The following SDC2 variants were observed in gnomAD, a reference collection of about 807,000 sequenced individuals.
SDC2 encodes syndecan 2, also known as syndecan-2.
SDC2 carries 13 observed loss-of-function variants against 22.2 expected under a neutral mutation model. That is an observed-to-expected ratio of 0.59 (90% CI 0.38 to 0.93). The LOEUF (loss-of-function observed/expected upper bound fraction) is 0.93, where lower values mean the gene tolerates loss of function less well. Ranked by LOEUF, SDC2 falls within the 40% of genes least tolerant of loss-of-function variation. The pLI is 0.00. For synonymous variants in SDC2, 94 were observed against 92.8 expected (o/e 1.01, Z -0.07); for missense variants, 235 against 246.8 (o/e 0.95, Z 0.32).
chr8:96,522,525 C>G (rs571378570), intron 1 of SDC2, among the ~76,000 whole-genome samples: 2 of 152,226 alleles, frequency 1.3e-5, no homozygotes, highest in East Asian at 3.9e-4. Flanking sequence ...CCATTTTGTC[C>G]CCAATTGCTT....
intron 1 of SDC2, among the ~76,000 whole-genome samples, chr8:96,520,923 CG>C (rs973051442): frequency 2.6e-5 from 4 of 152,100 alleles, no homozygotes; most frequent in African/African-American, 9.7e-5. Context: ...TAAAAGAAGG[CG>C]GAGCTCTGGG....
chr8:96,552,462 A>G (rs1814043206), intron 1 of SDC2, among the ~76,000 whole-genome samples: 1 of 152,222 alleles, frequency 6.6e-6, no homozygotes, highest in Admixed American at 6.5e-5. Context: ...AAGGAAATAT[A>G]TCATGCTGCA....
At chr8:96,543,801 G>A (rs1292871191) in intron 1 of SDC2, among the ~76,000 whole-genome samples, 1 of 152,140 alleles carries the variant, frequency 6.6e-6, no homozygotes, top group Non-Finnish European at 1.5e-5. Context: ...ATATGAGTGT[G>A]TATTATAAGT....
At chr8:96,574,219 G>A (rs2130590210) in intron 1 of SDC2, among the ~76,000 whole-genome samples, 1 of 152,152 alleles carries the variant, frequency 6.6e-6, no homozygotes, top group Non-Finnish European at 1.5e-5. Context: ...CCTTTCTAAG[G>A]GGTTGGCAAG....
intron 1 of SDC2, among the ~76,000 whole-genome samples, chr8:96,502,678 A>G (rs1424675573): frequency 6.6e-6 from 1 of 152,164 alleles, no homozygotes; most frequent in Non-Finnish European, 1.5e-5. Flanking sequence ...AAATGAGCAG[A>G]CTATGGTAGT....
intron 1 of SDC2, among the ~76,000 whole-genome samples, chr8:96,558,279 G>A (rs1478130812): frequency 6.6e-6 from 1 of 152,092 alleles, no homozygotes; most frequent in Non-Finnish European, 1.5e-5. Flanking sequence ...AGGGTCGGGG[G>A]TTCTGGCTCA....
chr8:96,532,215 A>T (rs1361702203), intron 1 of SDC2, among the ~76,000 whole-genome samples: 1 of 152,122 alleles, frequency 6.6e-6, no homozygotes, highest in Non-Finnish European at 1.5e-5. Context: ...CGTTTTCATC[A>T]CCATTATTAG....
At chr8:96,513,012 A>G (rs961761410) in intron 1 of SDC2, among the ~76,000 whole-genome samples, 1 of 152,138 alleles carries the variant, frequency 6.6e-6, no homozygotes, top group African/African-American at 2.4e-5. Flanking sequence ...TATACTTAGT[A>G]CTTTTTTATA....
chr8:96,575,655 A>G (rs1422733866), intron 1 of SDC2, among the ~76,000 whole-genome samples: 2 of 152,170 alleles, frequency 1.3e-5, no homozygotes, highest in South Asian at 4.1e-4. Flanking sequence ...TTCTGTTGAC[A>G]TAACTGTTGA....
chr8:96,538,467 A>G (rs1410246736), intron 1 of SDC2, among the ~76,000 whole-genome samples: 1 of 151,220 alleles, frequency 6.6e-6, no homozygotes. Context: ...GGTTGAGTTG[A>G]CTGAAGCTTT....
intron 1 of SDC2, among the ~76,000 whole-genome samples, chr8:96,541,725 C>T (rs1334191225): frequency 1.3e-5 from 2 of 151,980 alleles, no homozygotes; most frequent in African/African-American, 4.8e-5. Context: ...GTTTAATGGA[C>T]ACAGATTTTT....
intron 1 of SDC2, among the ~76,000 whole-genome samples, chr8:96,517,437 T>G (rs1004838653): frequency 9.9e-5 from 15 of 152,204 alleles, no homozygotes; most frequent in African/African-American, 3.1e-4. Flanking sequence ...TATTCCTATT[T>G]TCTTCCAAGA....
chr8:96,500,379 T>A (rs1441733983), intron 1 of SDC2, among the ~76,000 whole-genome samples: 1 of 151,986 alleles, frequency 6.6e-6, no homozygotes, highest in East Asian at 1.9e-4. Context: ...TGTGGAAATG[T>A]GGCCTGGCGC....
At position 96,609,489 on chromosome 8, in the gene SDC2, G is replaced by T; in HGVS notation, c.547G>T (p.Glu183Ter). 2 of 1,613,424 alleles carry T rather than the reference G, an allele frequency of 1.2e-6. No homozygotes were observed. The highest frequency in any genetic ancestry group is 1.7e-5 in the Admixed American group (1 of 59,902). ...KKDEGSYDLG[E>*]RKPSSAAYQK... is the part of the protein sequence containing the mutation. ...GGATGAAGGAAGCTATGACCTTGGA[G>T]AACGCAAACCATCCAGTGCTGCTTA... is the stretch of plus-strand genomic sequence containing the variant. Residue 183 changes from glutamate to a stop codon, truncating the protein, a stop_gained, in exon 5 of 5, where the codon GAA (glutamate) becomes TAA (stop). Transcript: ENST00000302190. LOFTEE classifies it high-confidence loss of function.
intron 1 of SDC2, among the ~76,000 whole-genome samples, chr8:96,574,686 G>C (rs766402682): frequency 2.6e-5 from 4 of 152,194 alleles, no homozygotes; most frequent in Non-Finnish European, 5.9e-5. Flanking sequence ...TCTACTGAAG[G>C]TGTTAAAGTG....
chr8:96,560,020 T>A (rs191140167), intron 1 of SDC2, among the ~76,000 whole-genome samples: 280 of 152,328 alleles, frequency 1.8e-3, no homozygotes, highest in Non-Finnish European at 3.3e-3. Context: ...ATTTAAAAAG[T>A]GTCCAATTCA....
At chr8:96,589,175 A>G (rs1267178203) in intron 1 of SDC2, among the ~76,000 whole-genome samples, 1 of 152,210 alleles carries the variant, frequency 6.6e-6, no homozygotes, top group Non-Finnish European at 1.5e-5. Flanking sequence ...GAAGGCCTAA[A>G]TCACCATCGC....
chr8:96,543,184 G>A (rs1047116596), intron 1 of SDC2, among the ~76,000 whole-genome samples: 7 of 152,162 alleles, frequency 4.6e-5, no homozygotes, highest in African/African-American at 1.7e-4. Flanking sequence ...GGATCTTTTA[G>A]TGCAGGTTAA....
At chr8:96,584,533 T>C (rs1388241755) in intron 1 of SDC2, among the ~76,000 whole-genome samples, 2 of 152,176 alleles carry the variant, frequency 1.3e-5, no homozygotes, top group African/African-American at 4.8e-5. Flanking sequence ...CAAATATTTT[T>C]CCCCCTTTCT....
Sources: allele counts gnomAD v4.1 joint callset (sites outside exome capture counted in the v4.1 genomes callset), GRCh38; gene constraint gnomAD v4.1.1; transcripts MANE v1.5; gene names NCBI Gene and HGNC (gene_info 2026-07-23, HGNC 2026-07-21).